Variants in GNAT3 observed in about 807,000 individuals in gnomAD.
The protein encoded by GNAT3 is guanine nucleotide-binding protein G(t) subunit alpha-3.
In GNAT3, 31 loss-of-function variants were observed where a neutral mutation model predicts 37.7. The observed-to-expected ratio is 0.82, with a 90% CI of 0.62 to 1.11. The LOEUF (loss-of-function observed/expected upper bound fraction) is 1.11, where lower values mean the gene tolerates loss of function less well. Among genes scored for constraint, GNAT3 ranks in the 50% most tolerant of loss-of-function variants. The probability of loss-of-function intolerance (pLI) is 0.00; values close to 1 mark genes in which losing one functional copy is unlikely to be tolerated. For synonymous variants in GNAT3, 138 were observed against 139.8 expected (o/e 0.99, Z 0.09); for missense variants, 437 against 412.5 (o/e 1.06, Z -0.51).
At chr7:80,474,445 A>G in intron 4 of GNAT3, 66 bp from the exon 5 acceptor site, 2 of 660,018 alleles carry the variant, frequency 3.0e-6, no homozygotes, top group Non-Finnish European at 5.1e-6. Flanking sequence ...ATATATGTAT[A>G]TATACACACA....
chr7:80,479,776 G>C (rs1033555364), intron 3 of GNAT3, among the ~76,000 whole-genome samples: 5 of 145,926 alleles, frequency 3.4e-5, no homozygotes, highest in Non-Finnish European at 6.0e-5. Context: ...AAATTGTATT[G>C]TTTCAAAAAA....
intron 5 of GNAT3, among the ~76,000 whole-genome samples, chr7:80,467,816 G>T (rs899926292): frequency 2.0e-5 from 3 of 151,912 alleles, no homozygotes; most frequent in African/African-American, 7.3e-5. Flanking sequence ...ATTAATGAGG[G>T]AAATGGACAT....
At chr7:80,467,253 T>C (rs1223682245) in intron 5 of GNAT3, among the ~76,000 whole-genome samples, 1 of 152,152 alleles carries the variant, frequency 6.6e-6, no homozygotes, top group African/African-American at 2.4e-5. Flanking sequence ...ATAGATAAAA[T>C]GGATTCTGAA....
chr7:80,462,744 T>C (rs944162266), intron 5 of GNAT3, 113 bp from the exon 6 acceptor site: 4 of 695,668 alleles, frequency 5.7e-6, no homozygotes, highest in African/African-American at 3.7e-5. Context: ...AAAGGTATTC[T>C]TTTGACTTTT....
In GNAT3 at chr7:80,462,154, C is replaced by A. The variant is rs758450603; in HGVS notation, c.874+5G>T. ...TTCTATGGAACTAAAAGAAAAAAAT[C>A]TTACCAGTGTATTCTGGAAAGCAGA... On this transcript the variant is annotated splice_donor_5th_base_variant and intron_variant, in intron 7 of 7. Coordinates refer to ENST00000398291, the MANE Select transcript of GNAT3 (RefSeq NM_001102386.3). 29 of 1,528,204 alleles carry A rather than the reference C, an allele frequency of 1.9e-5. No individual in the cohort carries two copies. The highest frequency in any genetic ancestry group is 9.8e-5 in the African/African-American group (7 of 71,760). The allele number at this position is 1,528,204 out of a possible 1,614,324, so 94.7% of individuals were successfully genotyped here. A position where few individuals can be genotyped will look rare whatever the true frequency, so the allele number is the denominator to read the frequency against.
chr7:80,510,713 T>C (rs978006026), intron 1 of GNAT3, among the ~76,000 whole-genome samples: 2 of 152,212 alleles, frequency 1.3e-5, no homozygotes, highest in African/African-American at 4.8e-5. Context: ...GGCAAGGATG[T>C]TTCCTTTCCT....
At chr7:80,509,231 A>C (rs1031130418) in intron 1 of GNAT3, among the ~76,000 whole-genome samples, 17 of 152,126 alleles carry the variant, frequency 1.1e-4, no homozygotes, top group Non-Finnish European at 2.2e-4. Flanking sequence ...CAAACATGAG[A>C]ATGAAGTAGA....
At position 80,499,678 on chromosome 7, in the gene GNAT3, T is replaced by G. The variant is rs73369080; in HGVS notation, c.119-5031A>C. On this transcript the variant is annotated intron_variant, in intron 1 of 7. Transcript: ENST00000398291. Reference sequence around the variant, plus strand: ...CAACTTAATTTTGTTCCATGTATTATTTCTCCTTTTTATGGAGTGACATCA... The same window carrying G: ...CAACTTAATTTTGTTCCATGTATTAGTTCTCCTTTTTATGGAGTGACATCA... Among the ~76,000 whole-genome samples, 1,301 of 152,330 alleles carry G rather than the reference T, an allele frequency of 8.5e-3. 14 individuals are homozygous for G. The highest frequency in any genetic ancestry group is 0.03 in the African/African-American group (1,244 of 41,580).
At chr7:80,507,359 A>G (rs1009270064) in intron 1 of GNAT3, among the ~76,000 whole-genome samples, 1 of 152,076 alleles carries the variant, frequency 6.6e-6, no homozygotes, top group Admixed American at 6.5e-5. Flanking sequence ...AAGCACACAT[A>G]GAATAAAAAT....
At chr7:80,508,911 A>G (rs1283975162) in intron 1 of GNAT3, among the ~76,000 whole-genome samples, 1 of 152,076 alleles carries the variant, frequency 6.6e-6, no homozygotes, top group Non-Finnish European at 1.5e-5. Flanking sequence ...AAATCTGTCA[A>G]AAGTGTTTTT....
intron 5 of GNAT3, among the ~76,000 whole-genome samples, chr7:80,470,414 G>A (rs1337467742): frequency 6.6e-6 from 1 of 152,080 alleles, no homozygotes; most frequent in Non-Finnish European, 1.5e-5. Context: ...TAGAGACGGG[G>A]TTTCACCATG....
intron 1 of GNAT3, among the ~76,000 whole-genome samples, chr7:80,510,710 A>G (rs1196999827): frequency 6.6e-6 from 1 of 152,174 alleles, no homozygotes; most frequent in Non-Finnish European, 1.5e-5. Context: ...AGGGGCAAGG[A>G]TGTTTCCTTT....
chr7:80,493,384 G>A (rs1053913885), intron 2 of GNAT3, among the ~76,000 whole-genome samples: 1 of 152,098 alleles, frequency 6.6e-6, no homozygotes, highest in Non-Finnish European at 1.5e-5. Context: ...GAAAGATCAG[G>A]TGTTTGGTTG....
chr7:80,497,634 ACG>A (rs1790754008), intron 1 of GNAT3, among the ~76,000 whole-genome samples: 1 of 118,452 alleles, frequency 8.4e-6, no homozygotes, highest in Non-Finnish European at 1.7e-5. Context: ...ATATACATAT[ACG>A]TATATACATA....
chr7:80,506,615 C>G (rs1227817189), intron 1 of GNAT3, among the ~76,000 whole-genome samples: 1 of 152,126 alleles, frequency 6.6e-6, no homozygotes, highest in Non-Finnish European at 1.5e-5. Flanking sequence ...TTTAAACTCT[C>G]CAAGTAGGTC....
intron 1 of GNAT3, among the ~76,000 whole-genome samples, chr7:80,497,629 C>CGTATATACATATACGTATATGT (rs1562732973): frequency 8.6e-6 from 1 of 116,264 alleles, no homozygotes; most frequent in African/African-American, 4.4e-5. Context: ...TACGTATATA[C>CGTATATACATATACGTATATGT]ATATACGTAT....
At chr7:80,493,054 A>G (rs575472293) in intron 2 of GNAT3, among the ~76,000 whole-genome samples, 145 of 152,078 alleles carry the variant, frequency 9.5e-4, no homozygotes, top group Non-Finnish European at 1.5e-3. Context: ...CCAGTTATTT[A>G]TCATATTTAT....
intron 4 of GNAT3, among the ~76,000 whole-genome samples, chr7:80,476,765 A>G (rs988587373): frequency 3.3e-5 from 5 of 151,384 alleles, no homozygotes; most frequent in Admixed American, 6.6e-5. Context: ...CAGTGTTTGG[A>G]AAAAAAAATC....
At chr7:80,486,359 A>C (rs1171049445) in intron 3 of GNAT3, 4 of 152,080 alleles carry the variant, frequency 2.6e-5, no homozygotes, top group African/African-American at 9.7e-5. Flanking sequence ...TTTTTTAATT[A>C]GCATGATGGC....
Sources: allele counts gnomAD v4.1 joint callset (sites outside exome capture counted in the v4.1 genomes callset), GRCh38; gene constraint gnomAD v4.1.1; transcripts MANE v1.5; gene names NCBI Gene and HGNC (gene_info 2026-07-23, HGNC 2026-07-21).